EPHA3: variants seen among roughly 807,000 people sequenced by gnomAD.
The protein encoded by EPHA3 is ephrin type-A receptor 3.
Under a neutral mutation model 107.1 loss-of-function variants are expected in EPHA3, and 42 were observed. That is an observed-to-expected ratio of 0.39 (90% confidence interval 0.31 to 0.51). The LOEUF is 0.51. Ranked by LOEUF, EPHA3 falls within the 20% of genes least tolerant of loss-of-function variation. The probability of loss-of-function intolerance (pLI) is 0.78; values close to 1 mark genes in which losing one functional copy is unlikely to be tolerated. For synonymous variants in EPHA3, 461 were observed against 424.8 expected, an observed-to-expected ratio of 1.09 and a Z score of -1.05; for missense variants, 1,183 against 1,211.2, an observed-to-expected ratio of 0.98 and a Z score of 0.35.
chr3:89,151,854 C>G (rs1480635163), intron 2 of EPHA3, among the ~76,000 whole-genome samples: 2 of 151,996 alleles, frequency 1.3e-5, no homozygotes, highest in Non-Finnish European at 2.9e-5. Flanking sequence ...ATTTTGTGGT[C>G]TGGCATGACC....
At chr3:89,257,779 A>T (rs1705319979) in intron 3 of EPHA3, among the ~76,000 whole-genome samples, 1 of 151,780 alleles carries the variant, frequency 6.6e-6, no homozygotes, top group African/African-American at 2.4e-5. Flanking sequence ...GAGATGAGAG[A>T]AAGAACATCT....
At chr3:89,438,541 T>A (rs999423252) in intron 13 of EPHA3, among the ~76,000 whole-genome samples, 10 of 152,186 alleles carry the variant, frequency 6.6e-5, no homozygotes, top group African/African-American at 1.2e-4. Flanking sequence ...AACAGGAGCC[T>A]TTGTTCTGTA....
At position 89,339,390 on chromosome 3, in the gene EPHA3, AG is replaced by A. The variant is rs147351552; in HGVS notation, c.815-1525del. ...CATCTCAAAAAAAAAAAAAAAAAAA[AG>A]AAAGAAAGAAAAATTATAATTGTTA... On this transcript the variant is annotated intron_variant, in intron 3 of 16. Transcript: ENST00000336596. Among the ~76,000 whole-genome samples, 376 of 147,696 alleles carry A rather than the reference AG, an allele frequency of 2.5e-3. 1 individual carries two copies. Among genetic ancestry groups the A allele is most frequent in the African/African-American group, 9.1e-3 (364 of 40,128 alleles).
intron 3 of EPHA3, among the ~76,000 whole-genome samples, chr3:89,272,713 TACTC>T (rs1705704122): frequency 6.6e-6 from 1 of 151,960 alleles, no homozygotes; most frequent in South Asian, 2.1e-4. Context: ...ACATTTTACT[TACTC>T]TTTTTCTCTT....
rs1166433300 is a variant in EPHA3 at position 89,479,406 on chromosome 3, A to G, written c.2856A>G (p.Lys952=). ...TIAKISTDDM[K]KVGVTVVGPQ... is the part of the protein sequence containing the mutation. ...TTTTCTTTTTTTACAGTGACATGAAAAAGGTTGGTGTCACCGTGGTTGGGC... is the reference window on the plus strand; with the variant it reads ...TTTTCTTTTTTTACAGTGACATGAAGAAGGTTGGTGTCACCGTGGTTGGGC... Residue 952 remains lysine (K), a synonymous_variant, in exon 17 of 17, where the codon AAA becomes AAG. Coordinates refer to ENST00000336596, the MANE Select transcript of EPHA3 (RefSeq NM_005233.6). 5.0e-6 allele frequency: 8 copies of G among 1,613,762 alleles called. No individual in the cohort carries two copies. Among genetic ancestry groups the G allele is most frequent in the Non-Finnish European group, 6.8e-6 (8 of 1,179,628 alleles).
chr3:89,284,440 C>T (rs1411931025), intron 3 of EPHA3, among the ~76,000 whole-genome samples: 7 of 150,994 alleles, frequency 4.6e-5, no homozygotes, highest in Non-Finnish European at 8.9e-5. Context: ...CTACCATCAC[C>T]TTTTTTTTTA....
chr3:89,154,436 T>C (rs1399971189), intron 2 of EPHA3, among the ~76,000 whole-genome samples: 2 of 152,004 alleles, frequency 1.3e-5, no homozygotes, highest in Non-Finnish European at 2.9e-5. Flanking sequence ...ATCAATGGAC[T>C]GTGTGGTGCT....
chr3:89,426,889 T>C (rs1236733833), intron 11 of EPHA3, among the ~76,000 whole-genome samples: 1 of 151,938 alleles, frequency 6.6e-6, no homozygotes, highest in African/African-American at 2.4e-5. Flanking sequence ...TTCATTCATT[T>C]ATTCATTCAT....
In EPHA3 at chr3:89,481,600, A is replaced by G. The variant is rs1228682793; in HGVS notation, c.*2098A>G. ...ATAGAAGTTGAGGATTGTTGAATCT[A>G]TTTCACTTATTTTGGCTGTGGTTTC... On this transcript the variant is annotated 3_prime_UTR_variant, in exon 17 of 17. Coordinates refer to ENST00000336596, the MANE Select transcript of EPHA3 (RefSeq NM_005233.6). 4.3e-6 allele frequency: 1 copy of G among 232,476 alleles called. No individual in the cohort carries two copies. Among genetic ancestry groups the G allele is most frequent in the East Asian group, 6.1e-5 (1 of 16,396 alleles). 14.4% of individuals were successfully genotyped at this position (232,476 alleles called of 1,614,324 possible).
intron 3 of EPHA3, among the ~76,000 whole-genome samples, chr3:89,302,825 A>G (rs1300334294): frequency 6.6e-6 from 1 of 152,140 alleles, no homozygotes; most frequent in Non-Finnish European, 1.5e-5. Context: ...GTCCAGTAGC[A>G]ATATTCATTT....
At chr3:89,165,649 C>A (rs991417650) in intron 2 of EPHA3, among the ~76,000 whole-genome samples, 14 of 152,124 alleles carry the variant, frequency 9.2e-5, no homozygotes, top group Non-Finnish European at 4.4e-5. Context: ...AAATGTGTTA[C>A]TTTTGTATTC....
intron 3 of EPHA3, among the ~76,000 whole-genome samples, chr3:89,298,049 A>G (rs1250350351): frequency 6.6e-6 from 1 of 152,108 alleles, no homozygotes; most frequent in Admixed American, 6.6e-5. Context: ...AACAAAACAA[A>G]CAAACAAACA....
intron 3 of EPHA3, among the ~76,000 whole-genome samples, chr3:89,214,746 T>C (rs182519894): frequency 1.1e-4 from 17 of 152,078 alleles, no homozygotes; most frequent in South Asian, 2.1e-4. Context: ...GTCTCTTTTT[T>C]TTCATAGTAT....
At chr3:89,189,712 A>G (rs562077913) in intron 2 of EPHA3, among the ~76,000 whole-genome samples, 2 of 152,294 alleles carry the variant, frequency 1.3e-5, no homozygotes, top group Non-Finnish European at 2.9e-5. Flanking sequence ...CCCCTGACAA[A>G]TTCTTTTTAT....
At chr3:89,224,148 A>G (rs1173137110) in intron 3 of EPHA3, among the ~76,000 whole-genome samples, 2 of 152,178 alleles carry the variant, frequency 1.3e-5, no homozygotes, top group Admixed American at 6.6e-5. Context: ...GTAAACCTGG[A>G]CATTTGTTAC....
chr3:89,460,110 T>G (rs1710192416), intron 15 of EPHA3, among the ~76,000 whole-genome samples: 1 of 152,154 alleles, frequency 6.6e-6, no homozygotes, highest in Non-Finnish European at 1.5e-5. Flanking sequence ...ACCCTTTTTA[T>G]TTTTGAAGAT....
chr3:89,284,147 T>C (rs1706018756), intron 3 of EPHA3, among the ~76,000 whole-genome samples: 1 of 152,180 alleles, frequency 6.6e-6, no homozygotes, highest in South Asian at 2.1e-4. Context: ...TTTGTTGTTA[T>C]AGGAATGTGT....
At chr3:89,147,007 T>C (rs1226232159) in intron 2 of EPHA3, among the ~76,000 whole-genome samples, 2 of 151,624 alleles carry the variant, frequency 1.3e-5, no homozygotes, top group South Asian at 2.1e-4. Flanking sequence ...CATGCAGCCA[T>C]AGAAAAAATG....
chr3:89,438,098 T>TTTTTGTTTTG, intron 13 of EPHA3, among the ~76,000 whole-genome samples: 1 of 152,162 alleles, frequency 6.6e-6, no homozygotes, highest in East Asian at 1.9e-4. Flanking sequence ...CATTTTTGTT[T>TTTTTGTTTTG]TTTTGTTTTG....
Sources: gnomAD v4.1 joint callset for allele counts (sites outside exome capture counted in the v4.1 genomes callset) on GRCh38, gnomAD v4.1.1 for gene constraint, MANE v1.5 for transcripts, NCBI Gene and HGNC (gene_info 2026-07-23, HGNC 2026-07-21) for gene names.